The following ANKH variants were observed in gnomAD, a reference collection of about 807,000 sequenced individuals.
ANKH encodes mineralization regulator ANKH.
In ANKH, 15 loss-of-function variants were observed where a neutral mutation model predicts 49.0. The observed-to-expected ratio is 0.31, with a 90% CI of 0.20 to 0.47. The LOEUF (loss-of-function observed/expected upper bound fraction) is 0.47. Ranked by LOEUF, ANKH falls within the 20% of genes least tolerant of loss-of-function variation. The pLI is 1.00. For missense variants in ANKH, 429 were observed against 652.0 expected, an observed-to-expected ratio of 0.66 and a Z score of 3.72; for synonymous variants, 273 against 260.0, an observed-to-expected ratio of 1.05 and a Z score of -0.48.
intron 1 of ANKH, among the ~76,000 whole-genome samples, chr5:14,857,091 C>G (rs1286517656): frequency 6.6e-6 from 1 of 152,146 alleles, no homozygotes; most frequent in African/African-American, 2.4e-5. Context: ...TCCCTGCCCA[C>G]CCTACGCCTA....
chr5:14,870,766 AAAAAG>A (rs1262741198), intron 1 of ANKH: 19 of 160,626 alleles, frequency 1.2e-4, no homozygotes, highest in African/African-American at 4.1e-4. Flanking sequence ...ATGAAAAAAA[AAAAAG>A]AAAGAAAGAA....
At chr5:14,858,932 T>C (rs551408864) in intron 1 of ANKH, among the ~76,000 whole-genome samples, 1 of 151,970 alleles carries the variant, frequency 6.6e-6, no homozygotes, top group African/African-American at 2.4e-5. Context: ...AATTAATAAA[T>C]TTAGTCTTTT....
intron 1 of ANKH, among the ~76,000 whole-genome samples, chr5:14,860,565 T>G (rs1426909233): frequency 3.3e-5 from 5 of 152,076 alleles, no homozygotes; most frequent in South Asian, 2.1e-4. Context: ...ACTATTCCCC[T>G]CTATTAAAAT....
intron 11 of ANKH, among the ~76,000 whole-genome samples, chr5:14,711,518 C>T (rs1394162120): frequency 1.3e-5 from 2 of 152,196 alleles, no homozygotes; most frequent in Non-Finnish European, 2.9e-5. Flanking sequence ...GTGTGCCTGG[C>T]ACTGAGCTAG....
intron 1 of ANKH, among the ~76,000 whole-genome samples, chr5:14,859,004 T>C (rs1316657747): frequency 3.3e-5 from 5 of 152,234 alleles, no homozygotes; most frequent in South Asian, 2.1e-4. Flanking sequence ...ATGGTGTTAA[T>C]TGAAAGTTTT....
At chr5:14,801,528 T>C (rs190562184) in intron 1 of ANKH, among the ~76,000 whole-genome samples, 3 of 152,254 alleles carry the variant, frequency 2.0e-5, no homozygotes, top group Non-Finnish European at 4.4e-5. Context: ...TTTTTAGCTA[T>C]AGAATTTCTC....
At chr5:14,774,322 T>C (rs181142435) in intron 1 of ANKH, among the ~76,000 whole-genome samples, 326 of 152,368 alleles carry the variant, frequency 2.1e-3, no homozygotes, top group African/African-American at 7.6e-3. Flanking sequence ...CTGAAACTTA[T>C]GAAGTGAGTT....
rs749227024 is a variant in ANKH, at chr5:14,769,070, C to G, written c.218G>C (p.Gly73Ala). The G allele has an allele frequency of 6.2e-7, 1 of 1,614,158 alleles. No homozygotes were observed. Residue 73 changes from glycine (G) to alanine (A), a missense_variant, in exon 2 of 12, where the codon GGC becomes GCC. Physicochemically the swap from Gly to Ala is moderately conservative, Grantham distance 60 (BLOSUM62 0). Coordinates refer to ENST00000284268, the MANE Select transcript of ANKH (RefSeq NM_054027.6). The part of the protein sequence containing the change: ...TGPMSDFKNV[G>A]LVFVNSKRDR... ...TCTCTTGCTGTTCACAAACACCAGG[C>G]CCACATTTTTGAAGTCACTCATGGG...
In ANKH at chr5:14,747,507, C is replaced by T. The variant is rs150144632; in HGVS notation, c.823-1545G>A. 1.1e-4 allele frequency among the ~76,000 whole-genome samples: 16 copies of T among 152,258 alleles called. No individual in the cohort carries two copies. In the East Asian group the frequency reaches 2.5e-3, roughly 24 times the overall value. ...CCCAGGAGATTGAGGCTGCAGTGAG[C>T]TGTGATCGTGCCACCACTGCTCTCC... is the stretch of plus-strand genomic sequence containing the variant. On this transcript the variant is annotated intron_variant, in intron 6 of 11. Coordinates refer to ENST00000284268, the MANE Select transcript of ANKH (RefSeq NM_054027.6).
chr5:14,791,571 C>A (rs1201648944), intron 1 of ANKH, among the ~76,000 whole-genome samples: 1 of 152,126 alleles, frequency 6.6e-6, no homozygotes, highest in Non-Finnish European at 1.5e-5. Flanking sequence ...AATAAATCAG[C>A]CACCCCAAAG....
Position 14,716,640 on chromosome 5 carries a change from C to G in ANKH, c.1141+66G>C, listed in dbSNP as rs1207066502. 4 of 1,604,482 alleles carry G rather than the reference C, an allele frequency of 2.5e-6. No homozygotes were observed. In the Admixed American group the frequency reaches 6.7e-5, roughly 27 times the overall value. ...GTTGGTGACATAATTGCAAACATTT[C>G]CAAAGAAAGATTTAATTAGGCATGA... On this transcript the variant is annotated intron_variant, in intron 9 of 11. Transcript: ENST00000284268.
intron 1 of ANKH, among the ~76,000 whole-genome samples, chr5:14,801,884 A>C (rs1367410845): frequency 6.6e-6 from 1 of 152,216 alleles, no homozygotes; most frequent in African/African-American, 2.4e-5. Context: ...AACAGAATAG[A>C]AAAATGCCAT....
At chr5:14,766,427 A>G (rs1232990449) in intron 2 of ANKH, among the ~76,000 whole-genome samples, 1 of 152,118 alleles carries the variant, frequency 6.6e-6, no homozygotes, top group East Asian at 1.9e-4. Context: ...CAAACTGAAG[A>G]AAAGTGCTGA....
At chr5:14,860,238 G>A (rs565804018) in intron 1 of ANKH, among the ~76,000 whole-genome samples, 2 of 152,186 alleles carry the variant, frequency 1.3e-5, no homozygotes, top group Non-Finnish European at 2.9e-5. Flanking sequence ...AGGGACATTC[G>A]AACACAGAAA....
In ANKH at chr5:14,770,514, CAG is replaced by C. The variant is rs1286791919; in HGVS notation, c.97-1325_97-1324del. 6.6e-6 allele frequency among the ~76,000 whole-genome samples: 1 copy of C among 151,992 alleles called. No homozygotes were observed. The highest frequency in any genetic ancestry group is 1.5e-5 in the Non-Finnish European group (1 of 68,020). On this transcript the variant is annotated intron_variant, in intron 1 of 11. Transcript: ENST00000284268. The surrounding 1 kb of genome is among the most constrained non-coding windows in gnomAD (Gnocchi z 4.1). Reference sequence around the variant, plus strand: ...GAGATTAACAACAATAATAATCAAACAGAATAATTATTAACAATATATTATAA... The same window carrying C: ...GAGATTAACAACAATAATAATCAAACAATAATTATTAACAATATATTATAA...
At chr5:14,768,678 A>C (rs1049744512) in intron 2 of ANKH, 1 of 488,080 alleles carries the variant, frequency 2.0e-6, no homozygotes, top group African/African-American at 1.9e-5. Context: ...CTCTAACGAA[A>C]GCACCTGCTA....
chr5:14,839,397 A>G (rs2126607753), intron 1 of ANKH, among the ~76,000 whole-genome samples: 1 of 152,220 alleles, frequency 6.6e-6, no homozygotes, highest in South Asian at 2.1e-4. Flanking sequence ...ACACGCACAG[A>G]CAGAGTTTTG....
At chr5:14,857,031 T>C (rs1561086647) in intron 1 of ANKH, among the ~76,000 whole-genome samples, 1 of 152,206 alleles carries the variant, frequency 6.6e-6, no homozygotes, top group African/African-American at 2.4e-5. Flanking sequence ...TCTGGAACCC[T>C]GCAGGAACTG....
At position 14,716,767 on chromosome 5, in the gene ANKH, G is replaced by A. The variant is rs758021005; in HGVS notation, c.1080C>T (p.Asp360=). The A allele has an allele frequency of 1.2e-5, 19 of 1,614,062 alleles. No individual in the cohort carries two copies. Among genetic ancestry groups the A allele is most frequent in the Non-Finnish European group, 1.5e-5 (18 of 1,179,986 alleles). Residue 360 remains aspartate (D), a synonymous_variant, in exon 9 of 12, where the codon GAC becomes GAT. Coordinates refer to ENST00000284268, the MANE Select transcript of ANKH (RefSeq NM_054027.6). ...CAACACAGAGTTCTGCAAAGGCAAA[G>A]TCCACTCCGATGATGTCTATCAAGA... ...EKILIDIIGV[D]FAFAELCVVP...
Sources: gnomAD v4.1 joint callset for allele counts (sites outside exome capture counted in the v4.1 genomes callset) on GRCh38, gnomAD v4.1.1 for gene constraint, Gnocchi (gnomAD v3.1) non-coding constraint, MANE v1.5 for transcripts, NCBI Gene and HGNC (gene_info 2026-07-23, HGNC 2026-07-21) for gene names.